The following ATP2B2 variants were observed in gnomAD, a reference collection of about 807,000 sequenced individuals.
ATP2B2 encodes plasma membrane calcium-transporting ATPase 2.
A neutral mutation model predicts 120.0 loss-of-function variants in ATP2B2; 15 were observed. The observed-to-expected ratio is 0.12, with a 90% CI of 0.08 to 0.19. ATP2B2 has a LOEUF of 0.19. ATP2B2 is among the 10% of genes least tolerant of loss of function. The probability of loss-of-function intolerance (pLI) is 1.00; values close to 1 mark genes in which losing one functional copy is unlikely to be tolerated. For missense variants in ATP2B2, 1,045 were observed against 1,719.8 expected (o/e 0.61, Z 6.94); for synonymous variants, 694 against 700.3 (o/e 0.99, Z 0.14).
intron 1 of ATP2B2, among the ~76,000 whole-genome samples, chr3:10,682,046 A>AG (rs2071396237): frequency 6.6e-6 from 1 of 152,178 alleles, no homozygotes; most frequent in Non-Finnish European, 1.5e-5. Context: ...GTCATGAGGG[A>AG]TGAGTAGGAG....
At chr3:10,574,975 CTG>C (rs1461445088) in intron 2 of ATP2B2, among the ~76,000 whole-genome samples, 2 of 152,180 alleles carry the variant, frequency 1.3e-5, no homozygotes, top group African/African-American at 4.8e-5. Context: ...ACACCTGGGC[CTG>C]TGTCTCAGGG....
At chr3:10,681,853 C>G (rs1575618857) in intron 1 of ATP2B2, among the ~76,000 whole-genome samples, 1 of 152,182 alleles carries the variant, frequency 6.6e-6, no homozygotes, top group Non-Finnish European at 1.5e-5. Context: ...CTGAACTACT[C>G]TGCTGACCCA....
At chr3:10,337,379 G>A (rs2060146780) in intron 22 of ATP2B2, among the ~76,000 whole-genome samples, 1 of 152,136 alleles carries the variant, frequency 6.6e-6, no homozygotes, top group African/African-American at 2.4e-5. Flanking sequence ...CTCCCCAGAT[G>A]GTCTGGGCAA....
intron 2 of ATP2B2, among the ~76,000 whole-genome samples, chr3:10,423,406 G>A (rs2063051505): frequency 6.6e-6 from 1 of 152,118 alleles, no homozygotes; most frequent in African/African-American, 2.4e-5. Flanking sequence ...CTGACCCCTG[G>A]CCCAGGCCCT....
At position 10,325,328 on chromosome 3, in the gene ATP2B2, CATA is replaced by C. The variant is rs1461307380; in HGVS notation, c.*3483_*3485del. 4 of 152,148 alleles carry C rather than the reference CATA, an allele frequency of 2.6e-5. No individual in the cohort carries two copies. Among genetic ancestry groups the C allele is most frequent in the Admixed American group, 6.5e-5 (1 of 15,284 alleles). The allele number at this position is 152,148 out of a possible 1,614,324, so 9.4% of individuals were successfully genotyped here. The stretch of plus-strand genomic sequence containing the variant: ...AAGAGTGAAGGGACTCATCCCACCA[CATA>C]ATAAGACATTAGAAATTGACAATAG... On this transcript the variant is annotated 3_prime_UTR_variant, in exon 23 of 23. Transcript: ENST00000360273.
At chr3:10,358,268 T>G (rs917217735) in intron 14 of ATP2B2, among the ~76,000 whole-genome samples, 5 of 152,226 alleles carry the variant, frequency 3.3e-5, no homozygotes, top group African/African-American at 9.7e-5. Context: ...TGCAATGCCC[T>G]TGCTATTGGG....
chr3:10,699,839 G>A (rs980775767), intron 1 of ATP2B2, among the ~76,000 whole-genome samples: 2 of 152,188 alleles, frequency 1.3e-5, no homozygotes, highest in East Asian at 1.9e-4. Flanking sequence ...CTTCACGCTT[G>A]CCTTTCCACC....
intron 1 of ATP2B2, among the ~76,000 whole-genome samples, chr3:10,463,248 C>A (rs2064575662): frequency 6.6e-6 from 1 of 152,190 alleles, no homozygotes. Flanking sequence ...CAACTAGGCC[C>A]TGAGCTCCCC....
intron 1 of ATP2B2, among the ~76,000 whole-genome samples, chr3:10,482,020 T>A (rs2065433325): frequency 6.6e-6 from 1 of 152,156 alleles, no homozygotes. Flanking sequence ...GATGTGGGAC[T>A]TTCAGTGTTA....
intron 3 of ATP2B2, among the ~76,000 whole-genome samples, chr3:10,532,727 GAAGC>G (rs1012648579): frequency 2.0e-5 from 3 of 152,212 alleles, no homozygotes; most frequent in Non-Finnish European, 2.9e-5. Context: ...AAACTTTAGC[GAAGC>G]AAGAGGTCTG....
intron 1 of ATP2B2, among the ~76,000 whole-genome samples, chr3:10,492,788 A>C (rs910898452): frequency 6.6e-6 from 1 of 152,156 alleles, no homozygotes; most frequent in Non-Finnish European, 1.5e-5. Context: ...TGTCTTGCAG[A>C]TACCGGGTCA....
intron 1 of ATP2B2, among the ~76,000 whole-genome samples, chr3:10,663,024 T>C (rs1007381674): frequency 5.9e-5 from 8 of 135,932 alleles, no homozygotes; most frequent in African/African-American, 1.4e-4. Context: ...TTCTCACTCA[T>C]AGGTGGGAAT....
intron 1 of ATP2B2, among the ~76,000 whole-genome samples, chr3:10,667,745 G>C (rs1049963101): frequency 3.3e-4 from 48 of 143,916 alleles, no homozygotes; most frequent in South Asian, 5.0e-4. Context: ...ATCCAGCAGC[G>C]TGCTCTGAGT....
At chr3:10,447,345 G>C (rs376663478) in intron 2 of ATP2B2, among the ~76,000 whole-genome samples, 11 of 152,242 alleles carry the variant, frequency 7.2e-5, no homozygotes, top group Admixed American at 2.6e-4. Context: ...GCCCTGCAAG[G>C]TTGCTGGAAC....
intron 2 of ATP2B2, among the ~76,000 whole-genome samples, chr3:10,555,584 T>C (rs565509335): frequency 6.6e-6 from 1 of 152,364 alleles, no homozygotes; most frequent in South Asian, 2.1e-4. Context: ...TGGGCTCCAA[T>C]GCTCCAACAC....
At chr3:10,412,422 CT>C (rs1308505824) in intron 2 of ATP2B2, among the ~76,000 whole-genome samples, 3 of 152,174 alleles carry the variant, frequency 2.0e-5, no homozygotes, top group African/African-American at 7.2e-5. Context: ...TTCAGCCTTC[CT>C]TTCAAGCTGC....
At chr3:10,685,563 AC>A (rs2071499949) in intron 1 of ATP2B2, among the ~76,000 whole-genome samples, 1 of 152,084 alleles carries the variant, frequency 6.6e-6, no homozygotes, top group Admixed American at 6.5e-5. Flanking sequence ...CCTGTGCAGG[AC>A]CACACACTCC....
chr3:10,408,758 G>C (rs1000815350), intron 3 of ATP2B2, among the ~76,000 whole-genome samples: 1 of 152,114 alleles, frequency 6.6e-6, no homozygotes, highest in Non-Finnish European at 1.5e-5. Context: ...TGGCACACAT[G>C]AGGCGCTCGG....
intron 3 of ATP2B2, among the ~76,000 whole-genome samples, chr3:10,403,564 C>T (rs374542347): frequency 6.6e-6 from 1 of 152,232 alleles, no homozygotes; most frequent in African/African-American, 2.4e-5. Flanking sequence ...AGGTGAGGTG[C>T]CACAGCCAGG....
Sources: gnomAD v4.1 joint callset for allele counts (sites outside exome capture counted in the v4.1 genomes callset) on GRCh38, gnomAD v4.1.1 for gene constraint, MANE v1.5 for transcripts, NCBI Gene and HGNC (gene_info 2026-07-23, HGNC 2026-07-21) for gene names.